Variants in ZSCAN18 observed in about 807,000 individuals in gnomAD.
The protein encoded by ZSCAN18 is zinc finger and SCAN domain containing 18, also known as zinc finger and SCAN domain-containing protein 18.
In ZSCAN18, 16 loss-of-function variants were observed where a neutral mutation model predicts 31.1. That is an observed-to-expected ratio of 0.51 (90% CI 0.35 to 0.78). The LOEUF (loss-of-function observed/expected upper bound fraction) is 0.78. ZSCAN18 is among the 30% of genes least tolerant of loss of function. The probability of loss-of-function intolerance (pLI) is 0.01; values close to 1 mark genes in which losing one functional copy is unlikely to be tolerated. For synonymous variants in ZSCAN18, 375 were observed against 320.7 expected (o/e 1.17, Z -1.81); for missense variants, 731 against 697.4 (o/e 1.05, Z -0.54).
At chr19:58,099,308 C>T (rs1169038680), upstream of ZSCAN18, among the ~76,000 whole-genome samples, 1 of 152,158 alleles carries the variant, frequency 6.6e-6, no homozygotes. Flanking sequence ...AAGTAGTCCA[C>T]TGCTACAATT....
upstream of ZSCAN18, among the ~76,000 whole-genome samples, chr19:58,103,041 G>C (rs1436316245): frequency 1.3e-5 from 2 of 151,998 alleles, no homozygotes; most frequent in East Asian, 3.9e-4. Context: ...AGAATCGCTT[G>C]AACCTGGCAG....
intron 1 of ZSCAN18, among the ~76,000 whole-genome samples, chr19:58,116,841 G>C (rs750639994): frequency 6.6e-6 from 1 of 152,154 alleles, no homozygotes; most frequent in Non-Finnish European, 1.5e-5. Flanking sequence ...GGAGATGCCC[G>C]TACCAGAGAG....
upstream of ZSCAN18, chr19:58,098,276 G>C: frequency 2.9e-5 from 29 of 985,486 alleles, no homozygotes; most frequent in East Asian, 2.3e-4. Flanking sequence ...CGCGGACTAC[G>C]ACTCCCACAA....
chr19:58,107,772 ATG>A (rs2074646850), intron 1 of ZSCAN18: 1 of 991,828 alleles, frequency 1.0e-6, no homozygotes, highest in Non-Finnish European at 1.2e-6. Context: ...TCTCAGTCCA[ATG>A]TGTCAACTCT....
intron 1 of ZSCAN18, among the ~76,000 whole-genome samples, chr19:58,094,994 C>G (rs1215243608): frequency 1.3e-5 from 2 of 151,694 alleles, no homozygotes; most frequent in Non-Finnish European, 2.9e-5. Context: ...GAGTTGGAGG[C>G]TGCAGTGAGC....
chr19:58,113,881 G>A (rs929293080), intron 1 of ZSCAN18, among the ~76,000 whole-genome samples: 1 of 152,152 alleles, frequency 6.6e-6, no homozygotes, highest in African/African-American at 2.4e-5. Context: ...GGGAGGCTGA[G>A]GCAGGACAAT....
chr19:58,093,014 G>A (rs548292059), intron 1 of ZSCAN18, among the ~76,000 whole-genome samples: 1 of 151,842 alleles, frequency 6.6e-6, no homozygotes, highest in Non-Finnish European at 1.5e-5. Flanking sequence ...TGGACTCAAG[G>A]GATACGCCTG....
intron 3 of ZSCAN18, chr19:58,088,403 T>C (rs752647950): frequency 3.2e-5 from 11 of 348,490 alleles, no homozygotes; most frequent in Non-Finnish European, 4.9e-5. Flanking sequence ...TGAGACCCTT[T>C]ATTTTCAGAG....
intron 1 of ZSCAN18, among the ~76,000 whole-genome samples, chr19:58,112,314 T>A (rs770917340): frequency 4.6e-5 from 7 of 152,006 alleles, no homozygotes; most frequent in Non-Finnish European, 8.8e-5. Flanking sequence ...CGATTACAGG[T>A]GTGAGCCATT....
At chr19:58,118,406 G>A, upstream of ZSCAN18, 8 of 1,499,158 alleles carry the variant, frequency 5.3e-6, no homozygotes, top group Non-Finnish European at 7.1e-6. Flanking sequence ...TGGGCGCGCA[G>A]AGTTCCCGGA....
intron 1 of ZSCAN18, chr19:58,109,446 C>T (rs1416250910): frequency 1.1e-6 from 1 of 889,006 alleles, no homozygotes; most frequent in African/African-American, 1.7e-5. Flanking sequence ...AGCAATTCCA[C>T]TTGCAAGGGT....
chr19:58,095,774 C>G (rs1162308908), intron 1 of ZSCAN18, among the ~76,000 whole-genome samples: 1 of 152,198 alleles, frequency 6.6e-6, no homozygotes, highest in African/African-American at 2.4e-5. Flanking sequence ...CTGTGCCCTT[C>G]CCCCTCAGCA....
chr19:58,104,837 A>G (rs2074623330), intron 1 of ZSCAN18, among the ~76,000 whole-genome samples: 1 of 152,270 alleles, frequency 6.6e-6, no homozygotes, highest in Non-Finnish European at 1.5e-5. Flanking sequence ...GTGCTAATGC[A>G]GAAGCTGCAG....
chr19:58,088,650 A>C (rs201347155), intron 3 of ZSCAN18, 38 bp downstream of exon 3: 2 of 1,595,500 alleles, frequency 1.3e-6, no homozygotes, highest in African/African-American at 2.7e-5. Context: ...ACCCCACCTA[A>C]GGCCCAGCAG....
At chr19:58,106,954 G>A (rs750744767) in intron 1 of ZSCAN18, among the ~76,000 whole-genome samples, 6 of 151,522 alleles carry the variant, frequency 4.0e-5, no homozygotes, top group Non-Finnish European at 7.4e-5. Context: ...TAGTAGAGAT[G>A]AGGTTTCAGC....
chr19:58,094,082 T>A (rs2074471023), intron 1 of ZSCAN18, among the ~76,000 whole-genome samples: 1 of 151,944 alleles, frequency 6.6e-6, no homozygotes, highest in South Asian at 2.1e-4. Context: ...ATTTTTTAAA[T>A]TGGACTTCGG....
rs1420825414 is a variant in ZSCAN18 at position 58,085,016 on chromosome 19, C to G, written c.1202G>C (p.Gly401Ala). 1 of 1,590,860 alleles carries G rather than the reference C, an allele frequency of 6.3e-7. No individual in the cohort carries two copies. Among genetic ancestry groups the G allele is most frequent in the African/African-American group, 1.3e-5 (1 of 74,422 alleles). Reference protein sequence around the residue: ...SAGLEAGQGPGADEPGLSRGK... With the variant: ...SAGLEAGQGPAADEPGLSRGK... ...GCGGGACAAGCCCGGCTCGTCAGCC[C>G]CAGGGCCCTGCCCGGCCTCCAGCCC... The change falls in exon 7 of 7, where the codon GGG becomes GCG. Residue 401 changes from glycine to alanine, a missense_variant. Gly to Ala is a moderately conservative substitution (Grantham distance 60). Transcript: ENST00000601144.
At chr19:58,097,954 C>A in intron 1 of ZSCAN18, 1 of 985,454 alleles carries the variant, frequency 1.0e-6, no homozygotes, top group African/African-American at 1.7e-5. Context: ...CCTCACCGAT[C>A]TGGATCTCAG....
intron 1 of ZSCAN18, among the ~76,000 whole-genome samples, chr19:58,117,870 C>A (rs1036222044): frequency 1.3e-5 from 2 of 151,950 alleles, no homozygotes; most frequent in African/African-American, 4.8e-5. Flanking sequence ...GTTAGAGGGT[C>A]CGTGCTCCAC....
Sources: allele counts gnomAD v4.1 joint callset (sites outside exome capture counted in the v4.1 genomes callset), GRCh38; gene constraint gnomAD v4.1.1; transcripts MANE v1.5; gene names NCBI Gene and HGNC (gene_info 2026-07-23, HGNC 2026-07-21).